Variants in GRAMD1C observed in about 807,000 individuals in gnomAD.
The protein encoded by GRAMD1C is protein Aster-C.
GRAMD1C carries 89 observed loss-of-function variants against 97.8 expected under a neutral mutation model. That is an observed-to-expected ratio of 0.91 (90% CI 0.77 to 1.09). The LOEUF is 1.09. GRAMD1C is among the 50% of genes least tolerant of loss of function. The pLI is 0.00. For missense variants in GRAMD1C, 740 were observed against 766.4 expected, an observed-to-expected ratio of 0.97 and a Z score of 0.41; for synonymous variants, 256 against 267.0, an observed-to-expected ratio of 0.96 and a Z score of 0.40.
chr3:113,898,106 G>C (rs1936009085), intron 6 of GRAMD1C, among the ~76,000 whole-genome samples: 1 of 151,960 alleles, frequency 6.6e-6, no homozygotes, highest in Non-Finnish European at 1.5e-5. Context: ...AAAGTATATT[G>C]TGATTACCCT....
rs200881985 is a variant in GRAMD1C, at chr3:113,844,489, A to T, written c.28-14A>T. 2.7e-4 allele frequency: 428 copies of T among 1,572,444 alleles called. 2 individuals are homozygous for T. The South Asian group carries it at 4.6e-3, about 17-fold the overall frequency. ...CTCAATAAATAATTGACTTAGTTTGATATTTGTTTCCAGGTGATGAATGAA... is the reference window on the plus strand; with the variant it reads ...CTCAATAAATAATTGACTTAGTTTGTTATTTGTTTCCAGGTGATGAATGAA... On this transcript the variant is annotated splice_polypyrimidine_tract_variant and intron_variant, in intron 1 of 17. Coordinates refer to ENST00000358160, the MANE Select transcript of GRAMD1C (RefSeq NM_017577.5).
chr3:113,890,782 A>G (rs1468420112), intron 6 of GRAMD1C: 1 of 697,308 alleles, frequency 1.4e-6, no homozygotes, highest in Non-Finnish European at 2.6e-6. Flanking sequence ...ATGTCCTTAT[A>G]AAAACAAATA....
intron 6 of GRAMD1C, among the ~76,000 whole-genome samples, chr3:113,896,904 A>G (rs1935970188): frequency 6.6e-6 from 1 of 152,248 alleles, no homozygotes; most frequent in Admixed American, 6.5e-5. Flanking sequence ...AATAGGAATT[A>G]GTAGATGAAA....
intron 2 of GRAMD1C, among the ~76,000 whole-genome samples, chr3:113,860,706 C>T (rs34572114): frequency 0.3 from 45,996 of 151,936 alleles, 7,957 homozygotes; most frequent in Non-Finnish European, 0.38. Context: ...TGGCTCACAC[C>T]TGTAATCCCA....
At chr3:113,869,435 T>A in intron 2 of GRAMD1C, 72 bp from the exon 3 acceptor site, 1 of 785,562 alleles carries the variant, frequency 1.3e-6, no homozygotes, top group Non-Finnish European at 2.2e-6. Context: ...GATTTTAAAT[T>A]CCACTTGATA....
chr3:113,883,356 C>A (rs1935330673), intron 6 of GRAMD1C, among the ~76,000 whole-genome samples: 1 of 151,988 alleles, frequency 6.6e-6, no homozygotes, highest in Non-Finnish European at 1.5e-5. Context: ...AAAACCCTGT[C>A]TCTACAAAAA....
intron 9 of GRAMD1C, among the ~76,000 whole-genome samples, chr3:113,909,844 C>G (rs1005782503): frequency 6.6e-6 from 1 of 152,146 alleles, no homozygotes; most frequent in Non-Finnish European, 1.5e-5. Context: ...CAGAACAATA[C>G]TCAAATTTCT....
chr3:113,840,035 C>T (rs1257621823), intron 1 of GRAMD1C, among the ~76,000 whole-genome samples: 1 of 152,052 alleles, frequency 6.6e-6, no homozygotes, highest in Non-Finnish European at 1.5e-5. Flanking sequence ...GGCGCAATCT[C>T]GGCTCACTGC....
At chr3:113,928,172 C>G (rs1937294333) in intron 10 of GRAMD1C, among the ~76,000 whole-genome samples, 1 of 152,186 alleles carries the variant, frequency 6.6e-6, no homozygotes, top group Admixed American at 6.5e-5. Context: ...TCTCTGCCCT[C>G]TGTGTCCCCT....
chr3:113,832,474 A>C (rs574215384), intron 1 of GRAMD1C, among the ~76,000 whole-genome samples: 2 of 152,156 alleles, frequency 1.3e-5, no homozygotes, highest in Non-Finnish European at 2.9e-5. Context: ...AAAATTAACC[A>C]TTTTATCCAT....
chr3:113,904,385 C>T, intron 8 of GRAMD1C, 113 bp downstream of exon 8: 1 of 757,774 alleles, frequency 1.3e-6, no homozygotes, highest in Non-Finnish European at 2.1e-6. Flanking sequence ...TATCAGACTC[C>T]TACCTTATTT....
At chr3:113,883,196 T>C (rs543831269) in intron 6 of GRAMD1C, among the ~76,000 whole-genome samples, 1 of 152,162 alleles carries the variant, frequency 6.6e-6, no homozygotes, top group Non-Finnish European at 1.5e-5. Context: ...GATTAAACAC[T>C]GCAACCAAAA....
intron 13 of GRAMD1C, among the ~76,000 whole-genome samples, chr3:113,935,645 G>T (rs1937565221): frequency 6.6e-6 from 1 of 151,560 alleles, no homozygotes; most frequent in East Asian, 1.9e-4. Flanking sequence ...TTATCATCTA[G>T]TTTGCTGATA....
chr3:113,891,269 A>G (rs144507984), intron 6 of GRAMD1C, among the ~76,000 whole-genome samples: 1 of 152,332 alleles, frequency 6.6e-6, no homozygotes, highest in East Asian at 1.9e-4. Context: ...TGGAATTTTA[A>G]GCACTGTAGA....
At chr3:113,841,749 G>A (rs561101455) in intron 1 of GRAMD1C, among the ~76,000 whole-genome samples, 62 of 152,230 alleles carry the variant, frequency 4.1e-4, no homozygotes, top group Non-Finnish European at 7.6e-4. Flanking sequence ...CTGGGCTGAA[G>A]CACAATGGTG....
chr3:113,885,043 C>G (rs1307472580), intron 6 of GRAMD1C, among the ~76,000 whole-genome samples: 1 of 151,262 alleles, frequency 6.6e-6, no homozygotes, highest in Non-Finnish European at 1.5e-5. Context: ...GCAACTTCCC[C>G]GAAGGCGTCG....
Position 113,936,263 on chromosome 3 carries a change from T to C in GRAMD1C, c.1457-3T>C, listed in dbSNP as rs889984482. ...ATATAAAGATTGTTTTTTTTTTTCT[T>C]AGAATCAGATTTGTTAATTGAAGAA... On this transcript the variant is annotated splice_region_variant and splice_polypyrimidine_tract_variant and intron_variant, in intron 13 of 17. Coordinates refer to ENST00000358160, the MANE Select transcript of GRAMD1C (RefSeq NM_017577.5). 6.5e-6 allele frequency: 10 copies of C among 1,530,502 alleles called. No homozygotes were observed. Among genetic ancestry groups the C allele is most frequent in the Non-Finnish European group, 8.9e-6 (10 of 1,119,778 alleles). 94.8% of individuals were successfully genotyped at this position (1,530,502 alleles called of 1,614,324 possible). A position where few individuals can be genotyped will look rare whatever the true frequency, so the allele number is the denominator to read the frequency against.
At position 113,932,945 on chromosome 3, in the gene GRAMD1C, C is replaced by T. The variant is rs569367376; in HGVS notation, c.1210-566C>T. ...TCTCCCAGGCTGGAGCGCAGTGAGG[C>T]GATCTTGCTCACTGCAACCTCTGCC... On this transcript the variant is annotated intron_variant, in intron 11 of 17. Coordinates refer to ENST00000358160, the MANE Select transcript of GRAMD1C (RefSeq NM_017577.5). Among the ~76,000 whole-genome samples the T allele has an allele frequency of 4.7e-5, 7 of 149,262 alleles. No homozygotes were observed. The East Asian group carries it at 5.9e-4, about 13-fold the overall frequency.
intron 2 of GRAMD1C, among the ~76,000 whole-genome samples, chr3:113,865,640 T>A (rs12636259): frequency 0.51 from 77,965 of 151,836 alleles, 20,424 homozygotes; most frequent in Middle Eastern, 0.67. Context: ...TGTTAAATTT[T>A]AAAAAAAATT....
Sources: gnomAD v4.1 joint callset for allele counts (sites outside exome capture counted in the v4.1 genomes callset) on GRCh38, gnomAD v4.1.1 for gene constraint, MANE v1.5 for transcripts, NCBI Gene and HGNC (gene_info 2026-07-23, HGNC 2026-07-21) for gene names.